ZNF75A: variants seen among roughly 807,000 people sequenced by gnomAD.
The protein encoded by ZNF75A is zinc finger protein 75A.
ZNF75A carries 36 observed loss-of-function variants against 46.3 expected under a neutral mutation model. The ratio of observed to expected loss-of-function variants is 0.78; its 90% CI spans 0.60 to 1.03. The LOEUF is 1.03. ZNF75A is among the 50% of genes least tolerant of loss of function. The pLI is 0.00. For synonymous variants in ZNF75A, 234 were observed against 189.9 expected (o/e 1.23, Z -1.91); for missense variants, 595 against 551.3 (o/e 1.08, Z -0.79).
At chr16:3,313,028 G>C in intron 4 of ZNF75A, 21 bp from the exon 5 acceptor site, 1 of 1,604,754 alleles carries the variant, frequency 6.2e-7, no homozygotes. Context: ...GTTCTGAGCT[G>C]AAGTCCATTC....
In ZNF75A at chr16:3,313,267, G is replaced by C. The variant is rs878996038; in HGVS notation, c.823+92G>C. 2.4e-5 allele frequency: 32 copies of C among 1,350,466 alleles called. No individual in the cohort carries two copies. The East Asian group carries it at 6.9e-4, about 29-fold the overall frequency. The allele number at this position is 1,350,466 out of a possible 1,614,324, so 83.7% of individuals were successfully genotyped here. The stretch of plus-strand genomic sequence containing the variant: ...AGTGAGGGGTGTCTTACTGTTCCAG[G>C]AGCTGGTTGATTCTCATCTAGATGG... On this transcript the variant is annotated intron_variant, in intron 5 of 6. Transcript: ENST00000669516.
chr16:3,307,942 T>A (rs1441624211), intron 1 of ZNF75A: 1 of 152,194 alleles, frequency 6.6e-6, no homozygotes, highest in African/African-American at 2.4e-5. Flanking sequence ...TTTAAGAGAA[T>A]CTCAGAATGT....
intron 5 of ZNF75A, chr16:3,314,643 A>T: frequency 1.0e-6 from 1 of 983,796 alleles, no homozygotes; most frequent in Non-Finnish European, 1.2e-6. Flanking sequence ...CTTAAATCGT[A>T]TTCTGTTAAT....
chr16:3,307,816 C>T (rs1960405987), intron 1 of ZNF75A: 1 of 152,098 alleles, frequency 6.6e-6, no homozygotes, highest in Non-Finnish European at 1.5e-5. Context: ...AGGCATGAGC[C>T]ACTGCACCTG....
At chr16:3,312,000 A>C in intron 3 of ZNF75A, 52 bp downstream of exon 3, 1 of 946,824 alleles carries the variant, frequency 1.1e-6, no homozygotes, top group South Asian at 4.9e-5. Flanking sequence ...ATAATAGTTT[A>C]TTCACCCAAA....
chr16:3,317,267 G>A lies in ZNF75A; in HGVS notation c.1012G>A (p.Val338Ile), dbSNP rs371252168. 5.4e-5 allele frequency: 87 copies of A among 1,613,804 alleles called. No individual in the cohort carries two copies. The highest frequency in any genetic ancestry group is 1.9e-4 in the South Asian group (17 of 91,074). ...SDLEIQASAG[V>I]ISKKAKVKVP... ...CTTAGAAATACAAGCATCAGCAGGC[G>A]TCATATCAAAAAAGGCCAAAGTAAA... Residue 338 changes from valine to isoleucine, a missense_variant, in exon 7 of 7, where the codon GTC (valine) becomes ATC (isoleucine). Coordinates refer to ENST00000669516, the MANE Select transcript of ZNF75A (RefSeq NM_001302109.2).
downstream of ZNF75A, among the ~76,000 whole-genome samples, chr16:3,319,809 A>G (rs9796936): frequency 1.8e-5 from 2 of 111,154 alleles, no homozygotes; most frequent in African/African-American, 6.2e-5. Flanking sequence ...TTTTTTTTTT[A>G]TTTTTTTGCT....
At chr16:3,310,866 G>A (rs1960720158) in intron 2 of ZNF75A, 3 of 985,480 alleles carry the variant, frequency 3.0e-6, no homozygotes, top group African/African-American at 1.7e-5. Flanking sequence ...AACTTGGTGG[G>A]TGGCGACACA....
Position 3,316,900 on chromosome 16 carries a change from TC to T in ZNF75A, c.824-10del. The T allele has an allele frequency of 1.3e-6, 2 of 1,596,638 alleles. No individual in the cohort carries two copies. The highest frequency in any genetic ancestry group is 1.7e-6 in the Non-Finnish European group (2 of 1,167,532). On this transcript the variant is annotated splice_polypyrimidine_tract_variant and intron_variant, in intron 5 of 6. Coordinates refer to ENST00000669516, the MANE Select transcript of ZNF75A (RefSeq NM_001302109.2). ...GTTACCAGTCCTTGACCTCATTTTG[TC>T]CATTTGACAGCATTGTTTGTGCTCC...
rs190768055 is a variant in ZNF75A at position 3,312,491 on chromosome 16, G to A, written c.605-186G>A. On this transcript the variant is annotated intron_variant, in intron 3 of 6. Coordinates refer to ENST00000669516, the MANE Select transcript of ZNF75A (RefSeq NM_001302109.2). ...GAAAACTGAGGAAACATTTAGTTGG[G>A]GAACTAGTTCTAGGGGCTGGTGGAT... 3.1e-3 allele frequency: 467 copies of A among 152,848 alleles called. 3 individuals carry two copies. The highest frequency in any genetic ancestry group is 0.01 in the African/African-American group (427 of 41,522). 9.5% of individuals were successfully genotyped at this position (152,848 alleles called of 1,614,324 possible).
intron 3 of ZNF75A, 103 bp from the exon 4 acceptor site, chr16:3,312,574 A>T (rs1029205200): frequency 3.6e-6 from 1 of 274,880 alleles, no homozygotes; most frequent in African/African-American, 2.3e-5. Context: ...ACACGTGTAA[A>T]GGTGTCCCAT....
chr16:3,310,487 T>C (rs1438224461), intron 2 of ZNF75A: 2 of 159,232 alleles, frequency 1.3e-5, no homozygotes, highest in African/African-American at 4.8e-5. Flanking sequence ...CAGCTGGGCA[T>C]GGTGGCGTGT....
chr16:3,321,272 T>C (rs569818767), downstream of ZNF75A, among the ~76,000 whole-genome samples: 1 of 152,182 alleles, frequency 6.6e-6, no homozygotes, highest in Non-Finnish European at 1.5e-5. Flanking sequence ...AACCGGCAGA[T>C]GATTTCCAGG....
At position 3,318,519 on chromosome 16, in the gene ZNF75A, A is replaced by G. The variant is rs1404558577; in HGVS notation, c.*650A>G. 6.1e-6 allele frequency: 6 copies of G among 985,302 alleles called. No homozygotes were observed. The highest frequency in any genetic ancestry group is 1.7e-5 in the African/African-American group (1 of 57,232). The allele number at this position is 985,302 out of a possible 1,614,324, so 61.0% of individuals were successfully genotyped here. On this transcript the variant is annotated 3_prime_UTR_variant, in exon 7 of 7. Transcript: ENST00000669516. ...GGGAAACGGGTTGGAATTTGTAGCC[A>G]TGGAATATATATTAGATGTAAAGAA...
Position 3,317,218 on chromosome 16 carries a change from T to C in ZNF75A, c.963T>C (p.Asn321=), listed in dbSNP as rs1461515677. 6.2e-7 allele frequency: 1 copy of C among 1,612,140 alleles called. No homozygotes were observed. The highest frequency in any genetic ancestry group is 1.1e-5 in the South Asian group (1 of 90,716). The change falls in exon 7 of 7, where the codon AAT becomes AAC. Residue 321 remains asparagine (N), a synonymous_variant. Transcript: ENST00000669516. Reference sequence around the variant, plus strand: ...TAAAGCTCAAAAACGACACTGAAAATCATCAGCCTGTGTCTCTTTCTGACT... The same window carrying C: ...TAAAGCTCAAAAACGACACTGAAAACCATCAGCCTGTGTCTCTTTCTGACT... The part of the protein sequence containing the change: ...TGLKLKNDTE[N]HQPVSLSDLE...
rs1215662370 is a variant in ZNF75A, at chr16:3,318,462, G to C, written c.*593G>C. ...TTATGCCTCTCATTGGTGATGTTTG[G>C]AAAATAGAAGACATCTCTAATGGAA... On this transcript the variant is annotated 3_prime_UTR_variant, in exon 7 of 7. Transcript: ENST00000669516. 1.3e-5 allele frequency: 13 copies of C among 985,296 alleles called. No individual in the cohort carries two copies. The highest frequency in any genetic ancestry group is 1.6e-5 in the Non-Finnish European group (13 of 829,968). The allele number at this position is 985,296 out of a possible 1,614,324, so 61.0% of individuals were successfully genotyped here. A position where few individuals can be genotyped will look rare whatever the true frequency, so the allele number is the denominator to read the frequency against.
At chr16:3,315,188 G>T (rs201609299) in intron 5 of ZNF75A, 10,389 of 228,274 alleles carry the variant, frequency 0.046, 61 homozygotes, top group Non-Finnish European at 0.061. Flanking sequence ...GTACTGTCAT[G>T]TTTTTTTTTT....
chr16:3,310,616 A>AC lies in ZNF75A; in HGVS notation c.409-1132dup, dbSNP rs906423388. ...ACCCCAGCCTGGGTGACAGAGTGAGACCCCCGTCTCAAAACAAAACAAACA... is the reference window on the plus strand; with the variant it reads ...ACCCCAGCCTGGGTGACAGAGTGAGACCCCCCGTCTCAAAACAAAACAAACA... On this transcript the variant is annotated intron_variant, in intron 2 of 6. Transcript: ENST00000669516. 1.6e-5 allele frequency: 15 copies of AC among 958,714 alleles called. No homozygotes were observed. The Admixed American group carries it at 3.1e-4, about 20-fold the overall frequency. 59.4% of individuals were successfully genotyped at this position (958,714 alleles called of 1,614,324 possible).
At chr16:3,320,542 A>G (rs1961489545), downstream of ZNF75A, among the ~76,000 whole-genome samples, 1 of 152,246 alleles carries the variant, frequency 6.6e-6, no homozygotes, top group Admixed American at 6.5e-5. Flanking sequence ...ATGATAGGGA[A>G]GAAAGACATT....
Sources: allele counts gnomAD v4.1 joint callset (sites outside exome capture counted in the v4.1 genomes callset), GRCh38; gene constraint gnomAD v4.1.1; transcripts MANE v1.5; gene names NCBI Gene and HGNC (gene_info 2026-07-23, HGNC 2026-07-21).